Variants in RASA3 observed in about 807,000 individuals in gnomAD.
RASA3 encodes ras GTPase-activating protein 3.
Under a neutral mutation model 110.0 loss-of-function variants are expected in RASA3, and 73 were observed. That is an observed-to-expected ratio of 0.66 (90% CI 0.55 to 0.81). RASA3 has a LOEUF of 0.81. Ranked by LOEUF, RASA3 falls within the 30% of genes least tolerant of loss-of-function variation. The pLI is 0.00. For synonymous variants in RASA3, 500 were observed against 451.4 expected, an observed-to-expected ratio of 1.11 and a Z score of -1.37; for missense variants, 976 against 1,113.2, an observed-to-expected ratio of 0.88 and a Z score of 1.75.
intron 1 of RASA3, among the ~76,000 whole-genome samples, chr13:114,110,293 C>T (rs9314895): frequency 0.25 from 37,471 of 152,118 alleles, 5,345 homozygotes; most frequent in East Asian, 0.46. Context: ...AGAGACAGAC[C>T]CGGGCCCCTG....
chr13:114,022,924 T>C (rs2053956021), intron 8 of RASA3, among the ~76,000 whole-genome samples: 1 of 152,076 alleles, frequency 6.6e-6, no homozygotes, highest in South Asian at 2.1e-4. Flanking sequence ...CATTCTATGG[T>C]TCAGGACCCT....
intron 3 of RASA3, among the ~76,000 whole-genome samples, chr13:114,051,048 G>A (rs2079136097): frequency 1.3e-5 from 2 of 152,206 alleles, no homozygotes; most frequent in South Asian, 2.1e-4. Flanking sequence ...TGTGAGCAGC[G>A]AGCGTCAGAT....
intron 1 of RASA3, among the ~76,000 whole-genome samples, chr13:114,107,152 CCT>C: frequency 3.7e-5 from 1 of 26,742 alleles, no homozygotes; most frequent in Admixed American, 2.6e-4. Context: ...CAGCCTTGAC[CCT>C]GGGCACCTTG....
chr13:114,047,487 T>A (rs561088387), intron 3 of RASA3, among the ~76,000 whole-genome samples: 1 of 152,258 alleles, frequency 6.6e-6, no homozygotes, highest in East Asian at 1.9e-4. Context: ...GGAGACACGG[T>A]TGGGTAGTTT....
At chr13:114,052,403 T>C (rs1358665794) in intron 2 of RASA3, among the ~76,000 whole-genome samples, 1 of 152,200 alleles carries the variant, frequency 6.6e-6, no homozygotes, top group Non-Finnish European at 1.5e-5. Flanking sequence ...GCCCGGAAGC[T>C]GAGACCTCCA....
intron 2 of RASA3, among the ~76,000 whole-genome samples, chr13:114,055,178 GCATGCATGTGC>G (rs919866631): frequency 3.3e-5 from 5 of 152,168 alleles, no homozygotes; most frequent in African/African-American, 4.8e-5. Flanking sequence ...ATGGGTGTGT[GCATGCATGTGC>G]CATGCATGTG....
At chr13:114,060,219 A>T (rs536471611) in intron 2 of RASA3, among the ~76,000 whole-genome samples, 24 of 152,322 alleles carry the variant, frequency 1.6e-4, no homozygotes, top group African/African-American at 5.5e-4. Flanking sequence ...GGACCGGAGC[A>T]TGCTGGGAGC....
Position 114,087,840 on chromosome 13 carries a change from G to A in RASA3, c.56-14003C>T, listed in dbSNP as rs568535127. Among the ~76,000 whole-genome samples the A allele has an allele frequency of 4.6e-5, 7 of 152,362 alleles. No individual in the cohort carries two copies. In the South Asian group the frequency reaches 8.3e-4, roughly 18 times the overall value. On this transcript the variant is annotated intron_variant, in intron 1 of 23. Transcript: ENST00000334062. ...CATTTCCTTCCAAAAACCTTAAATC[G>A]GATAATGAGCCGGGCGCGGTGGCTC... is the stretch of plus-strand genomic sequence containing the variant.
At chr13:114,012,785 C>T (rs1366116106) in intron 15 of RASA3, among the ~76,000 whole-genome samples, 15 of 121,790 alleles carry the variant, frequency 1.2e-4, no homozygotes, top group Non-Finnish European at 2.4e-4. Flanking sequence ...CTTCCACACT[C>T]CCCACGCAGT....
Position 113,990,503 on chromosome 13 carries a change from G to A in RASA3, c.2245+1982C>T, listed in dbSNP as rs545475046. Among the ~76,000 whole-genome samples the A allele has an allele frequency of 2.0e-5, 3 of 152,352 alleles. No homozygotes were observed. The South Asian group carries it at 6.2e-4, about 32-fold the overall frequency. On this transcript the variant is annotated intron_variant, in intron 22 of 23. Coordinates refer to ENST00000334062, the MANE Select transcript of RASA3 (RefSeq NM_007368.4). ...GACCTCACCCTCTCCGAGGCTCCCT[G>A]ACTCTGGCCTCTGCTGTGTCGGTTC... is the stretch of plus-strand genomic sequence containing the variant.
intron 1 of RASA3, among the ~76,000 whole-genome samples, chr13:114,129,420 G>T (rs1027648658): frequency 1.3e-5 from 2 of 152,166 alleles, no homozygotes; most frequent in Non-Finnish European, 2.9e-5. Context: ...TACCTCACCT[G>T]CAAGAGCTGG....
chr13:114,053,390 C>T (rs961088717), intron 2 of RASA3, among the ~76,000 whole-genome samples: 10 of 152,376 alleles, frequency 6.6e-5, no homozygotes, highest in African/African-American at 9.6e-5. Context: ...TTCCTCCCCA[C>T]GCCGGACCTG....
At position 113,988,677 on chromosome 13, in the gene RASA3, GTCCATCCACCCATTACTCACCCATCCA is replaced by G. The variant is rs1367915233; in HGVS notation, c.2245+3781_2245+3807del. On this transcript the variant is annotated intron_variant, in intron 22 of 23. Transcript: ENST00000334062. ...CCATCCATCCATCACTCACCCATCT[GTCCATCCACCCATTACTCACCCATCCA>G]TCCATCCACCCATCACTGACCCACC... is the stretch of plus-strand genomic sequence containing the variant. 3.8e-4 allele frequency among the ~76,000 whole-genome samples: 21 copies of G among 55,866 alleles called. No homozygotes were observed. The East Asian group carries it at 8.7e-3, about 23-fold the overall frequency. The allele number at this position is 55,866 out of a possible 152,430, so 36.7% of individuals were successfully genotyped here. A position where few individuals can be genotyped will look rare whatever the true frequency, so the allele number is the denominator to read the frequency against.
chr13:114,034,021 C>G (rs1257085680), intron 4 of RASA3, among the ~76,000 whole-genome samples: 1 of 152,270 alleles, frequency 6.6e-6, no homozygotes, highest in Non-Finnish European at 1.5e-5. Flanking sequence ...GTCCTCACCG[C>G]CTGGCAGCGG....
Position 113,978,500 on chromosome 13 carries a change from GA to G in RASA3, c.*846del, listed in dbSNP as rs1485625080. On this transcript the variant is annotated 3_prime_UTR_variant, in exon 24 of 24. Coordinates refer to ENST00000334062, the MANE Select transcript of RASA3 (RefSeq NM_007368.4). ...TCAAAAACATAAAGAAAAACAGCTT[GA>G]AAAATGTACATTTCTATTTTTAAAA... The G allele has an allele frequency of 3.3e-5, 5 of 152,182 alleles. No homozygotes were observed. The highest frequency in any genetic ancestry group is 7.2e-5 in the African/African-American group (3 of 41,428). The allele number at this position is 152,182 out of a possible 1,614,324, so 9.4% of individuals were successfully genotyped here.
intron 2 of RASA3, among the ~76,000 whole-genome samples, chr13:114,058,470 C>G (rs1437288610): frequency 6.6e-6 from 1 of 152,278 alleles, no homozygotes; most frequent in Non-Finnish European, 1.5e-5. Context: ...ACGGAAAACA[C>G]AGAGACCATT....
intron 8 of RASA3, among the ~76,000 whole-genome samples, chr13:114,023,696 C>T (rs1184515787): frequency 1.3e-5 from 2 of 152,220 alleles, no homozygotes; most frequent in Non-Finnish European, 2.9e-5. Context: ...CAAGCGATTT[C>T]CCCGTTTCCC....
chr13:114,093,449 A>G (rs6560931), intron 1 of RASA3, among the ~76,000 whole-genome samples: 143,590 of 152,288 alleles, frequency 0.94, 68,039 homozygotes, highest in Non-Finnish European at 1. Context: ...GGATCTCCCC[A>G]AAATGTTGTT....
chr13:114,092,072 T>C (rs962064493), intron 1 of RASA3, among the ~76,000 whole-genome samples: 1 of 151,850 alleles, frequency 6.6e-6, no homozygotes, highest in African/African-American at 2.4e-5. Flanking sequence ...CTTTTTTTTT[T>C]CTTAGTCTAG....
Sources: allele counts gnomAD v4.1 joint callset (sites outside exome capture counted in the v4.1 genomes callset), GRCh38; gene constraint gnomAD v4.1.1; transcripts MANE v1.5; gene names NCBI Gene and HGNC (gene_info 2026-07-23, HGNC 2026-07-21).